PHF11: variants seen among roughly 807,000 people sequenced by gnomAD.
PHF11 encodes the protein PHD finger protein 11, also known as BRCA1 C-terminus-associated protein.
In PHF11, 38 loss-of-function variants were observed where a neutral mutation model predicts 40.5. The observed-to-expected ratio is 0.94, with a 90% CI of 0.72 to 1.23. PHF11 has a LOEUF of 1.23. Among genes scored for constraint, PHF11 ranks in the 50% most tolerant of loss-of-function variants. The probability of loss-of-function intolerance (pLI) is 0.00; values close to 1 mark genes in which losing one functional copy is unlikely to be tolerated. For synonymous variants in PHF11, 127 were observed against 138.2 expected, an observed-to-expected ratio of 0.92 and a Z score of 0.57; for missense variants, 369 against 392.4, an observed-to-expected ratio of 0.94 and a Z score of 0.50.
chr13:49,505,114 A>T (rs2139038348), intron 1 of PHF11, among the ~76,000 whole-genome samples: 1 of 149,944 alleles, frequency 6.7e-6, no homozygotes, highest in Non-Finnish European at 1.5e-5. Flanking sequence ...AAAATAAATA[A>T]AAAAATAATA....
chr13:49,498,383 G>A (rs1352592940), intron 1 of PHF11, among the ~76,000 whole-genome samples: 1 of 151,716 alleles, frequency 6.6e-6, no homozygotes, highest in African/African-American at 2.4e-5. Flanking sequence ...CACATTTCTG[G>A]TAAATCATTC....
chr13:49,502,269 C>G (rs1171660302), intron 1 of PHF11, among the ~76,000 whole-genome samples: 2 of 151,858 alleles, frequency 1.3e-5, no homozygotes, highest in African/African-American at 4.8e-5. Context: ...CCACTGCACT[C>G]CAAGCTTGGG....
intron 9 of PHF11, chr13:49,527,310 TCAAACAG>T (rs1242621356): frequency 1.4e-4 from 21 of 152,106 alleles, no homozygotes; most frequent in African/African-American, 5.1e-4. Flanking sequence ...GGGCACAGAG[TCAAACAG>T]CATTGGTGGA....
chr13:49,496,240 G>T (rs954619544), intron 1 of PHF11, 145 bp downstream of exon 1: 19 of 646,746 alleles, frequency 2.9e-5, no homozygotes, highest in Non-Finnish European at 4.1e-5. Flanking sequence ...GGGCGGCGCT[G>T]GACGAACTTG....
intron 1 of PHF11, among the ~76,000 whole-genome samples, chr13:49,501,003 T>TTG (rs1165081900): frequency 3.3e-5 from 4 of 120,906 alleles, no homozygotes; most frequent in South Asian, 2.9e-4. Context: ...AACTTTTGTT[T>TTG]TTTTTTTTTT....
chr13:49,497,507 T>A (rs1958833413), intron 1 of PHF11, among the ~76,000 whole-genome samples: 1 of 152,138 alleles, frequency 6.6e-6, no homozygotes. Context: ...CCTGACTGTA[T>A]CTGGAGCCTG....
chr13:49,496,180 C>T, intron 1 of PHF11, 85 bp downstream of exon 1: 1 of 868,388 alleles, frequency 1.2e-6, no homozygotes, highest in Non-Finnish European at 1.5e-6. Context: ...CGGTCGTGGC[C>T]GCATGGGGGC....
At chr13:49,528,372 C>G (rs1959400646) in intron 9 of PHF11, 139 bp from the exon 10 acceptor site, 1 of 597,888 alleles carries the variant, frequency 1.7e-6, no homozygotes, top group African/African-American at 1.9e-5. Flanking sequence ...AGCTCCTGCC[C>G]ATAAGGCTCT....
rs140299233 is a variant in PHF11, at chr13:49,504,133, A to C, written c.95-2502A>C. Among the ~76,000 whole-genome samples, 15 of 152,138 alleles carry C rather than the reference A, an allele frequency of 9.9e-5. No individual in the cohort carries two copies. The East Asian group carries it at 2.9e-3, about 30-fold the overall frequency. On this transcript the variant is annotated intron_variant, in intron 1 of 9. Transcript: ENST00000378319. ...GTTGGACAGCATCGGTCTAGAGTGC[A>C]CAACATAGTGACTCAAACACAAGAA...
intron 2 of PHF11, among the ~76,000 whole-genome samples, chr13:49,508,725 A>C (rs920056747): frequency 5.9e-5 from 9 of 152,164 alleles, no homozygotes; most frequent in African/African-American, 1.9e-4. Flanking sequence ...TCTTTAAATA[A>C]GAACAATTTT....
At chr13:49,509,413 G>C (rs746570302) in intron 2 of PHF11, among the ~76,000 whole-genome samples, 2 of 151,972 alleles carry the variant, frequency 1.3e-5, no homozygotes, top group Non-Finnish European at 2.9e-5. Flanking sequence ...GGGGTTTCAC[G>C]TGTTAGCCAA....
chr13:49,508,965 A>G (rs568897013), intron 2 of PHF11, among the ~76,000 whole-genome samples: 176 of 152,304 alleles, frequency 1.2e-3, no homozygotes, highest in African/African-American at 4.1e-3. Context: ...TTTGCTAAAA[A>G]TTATAGCGTA....
intron 1 of PHF11, among the ~76,000 whole-genome samples, chr13:49,501,007 TTTTTTTTTG>T (rs1958895583): frequency 8.2e-6 from 1 of 122,490 alleles, no homozygotes; most frequent in Non-Finnish European, 1.6e-5. Flanking sequence ...TTTGTTTTTT[TTTTTTTTTG>T]GTTTTTTTTT....
rs9596124 is a variant in PHF11 at position 49,509,626 on chromosome 13, T to A, written c.216+2870T>A. Among the ~76,000 whole-genome samples the A allele has an allele frequency of 4.0e-3, 607 of 152,256 alleles. 1 individual carries two copies. Among genetic ancestry groups the A allele is most frequent in the Middle Eastern group, 6.8e-3 (2 of 294 alleles). On this transcript the variant is annotated intron_variant, in intron 2 of 9. Coordinates refer to ENST00000378319, the MANE Select transcript of PHF11 (RefSeq NM_001040443.3). Reference sequence around the variant, plus strand: ...AAGGGTGGAGCCAGGTGGAGATAAGTGAATCATGGGAGCAGGTTTTTCCCA... The same window carrying A: ...AAGGGTGGAGCCAGGTGGAGATAAGAGAATCATGGGAGCAGGTTTTTCCCA...
intron 1 of PHF11, among the ~76,000 whole-genome samples, chr13:49,500,231 AC>A (rs1408317729): frequency 6.6e-6 from 1 of 151,998 alleles, no homozygotes; most frequent in Admixed American, 6.6e-5. Flanking sequence ...GGGTTGCTAA[AC>A]CCCCCTAGAA....
At chr13:49,523,042 C>T (rs536556842) in intron 6 of PHF11, 133 bp from the exon 7 acceptor site, 288 of 706,568 alleles carry the variant, frequency 4.1e-4, no homozygotes, top group Non-Finnish European at 6.6e-4. Flanking sequence ...AGATTACAGG[C>T]GTGAGACACC....
At chr13:49,520,474 T>A (rs61960010) in intron 4 of PHF11, among the ~76,000 whole-genome samples, 1 of 152,044 alleles carries the variant, frequency 6.6e-6, no homozygotes, top group Non-Finnish European at 1.5e-5. Flanking sequence ...GAAAATGACT[T>A]TTTCCTTAAA....
chr13:49,496,201 CCTA>C, intron 1 of PHF11, 106 bp downstream of exon 1: 1 of 725,954 alleles, frequency 1.4e-6, no homozygotes, highest in Non-Finnish European at 1.9e-6. Context: ...CCGACCTGCC[CCTA>C]CTCCGGGCCG....
chr13:49,526,591 A>G (rs1959292752), intron 9 of PHF11, 133 bp downstream of exon 9: 2 of 666,546 alleles, frequency 3.0e-6, no homozygotes, highest in East Asian at 2.8e-5. Flanking sequence ...AGAAAAGCCA[A>G]TTACAAAAAC....
Sources: allele counts gnomAD v4.1 joint callset (sites outside exome capture counted in the v4.1 genomes callset), GRCh38; gene constraint gnomAD v4.1.1; transcripts MANE v1.5; gene names NCBI Gene and HGNC (gene_info 2026-07-23, HGNC 2026-07-21).